The following SOD1 variants were observed in gnomAD, a reference collection of about 807,000 sequenced individuals.
The protein encoded by SOD1 is superoxide dismutase [Cu-Zn].
In SOD1, 8 loss-of-function variants were observed where a neutral mutation model predicts 15.9. The observed-to-expected ratio is 0.50, with a 90% confidence interval of 0.30 to 0.91. SOD1 has a LOEUF of 0.91. SOD1 is among the 40% of genes least tolerant of loss of function. The pLI is 0.07. For missense variants in SOD1, 137 were observed against 194.5 expected, an observed-to-expected ratio of 0.70 and a Z score of 1.76; for synonymous variants, 86 against 71.2, an observed-to-expected ratio of 1.21 and a Z score of -1.04.
At chr21:31,668,425 G>A (rs1347615442) in intron 4 of SOD1, 46 bp from the exon 5 acceptor site, 6 of 1,284,120 alleles carry the variant, frequency 4.7e-6, no homozygotes, top group Non-Finnish European at 6.8e-6. Context: ...GGAGGAGGTA[G>A]TGATTACTTG....
At chr21:31,660,031 C>T in intron 1 of SOD1, 190 bp downstream of exon 1, 1 of 357,194 alleles carries the variant, frequency 2.8e-6, no homozygotes, top group Non-Finnish European at 4.8e-6. Context: ...AGTCACCGGG[C>T]GGGCCCGGGC....
intron 1 of SOD1, among the ~76,000 whole-genome samples, chr21:31,662,402 G>A (rs537992551): frequency 1.3e-5 from 2 of 152,294 alleles, no homozygotes; most frequent in East Asian, 3.9e-4. Context: ...CTTAACTGTT[G>A]GCCGTATTTG....
intron 2 of SOD1, among the ~76,000 whole-genome samples, chr21:31,665,170 T>A (rs1010758937): frequency 3.9e-5 from 6 of 152,006 alleles, no homozygotes; most frequent in Non-Finnish European, 5.9e-5. Flanking sequence ...TTAAAAAAAA[T>A]TTTTTTAAAG....
rs141101938 is a variant in SOD1, at chr21:31,664,163, G to T, written c.169+277G>T. 2.4e-3 allele frequency: 942 copies of T among 387,666 alleles called. 13 individuals are homozygous for T. The highest frequency in any genetic ancestry group is 0.018 in the African/African-American group (863 of 48,044). The allele number at this position is 387,666 out of a possible 1,614,324, so 24.0% of individuals were successfully genotyped here. On this transcript the variant is annotated intron_variant, in intron 2 of 4. Coordinates refer to ENST00000270142, the MANE Select transcript of SOD1 (RefSeq NM_000454.5). ...ATTTTTGTATTTTTTTCTAGAGGTG[G>T]GGTTTCATCATGTTGCCCAGGCTGG... is the stretch of plus-strand genomic sequence containing the variant.
At chr21:31,667,410 T>G (rs771393347) in intron 4 of SOD1, 35 bp downstream of exon 4, 1 of 1,351,926 alleles carries the variant, frequency 7.4e-7, no homozygotes, top group Non-Finnish European at 1.1e-6. Flanking sequence ...ATAAAACTTC[T>G]TCTAACATAC....
intron 1 of SOD1, chr21:31,660,202 C>G (rs962959047): frequency 2.0e-5 from 3 of 153,298 alleles, no homozygotes; most frequent in African/African-American, 7.2e-5. Flanking sequence ...AGCGGCTGTG[C>G]TCGTCCCTTG....
At chr21:31,665,533 G>A (rs1325660831) in intron 2 of SOD1, among the ~76,000 whole-genome samples, 1 of 152,158 alleles carries the variant, frequency 6.6e-6, no homozygotes, top group Non-Finnish European at 1.5e-5. Flanking sequence ...CTTTCTCCCT[G>A]TGTGGGACTC....
chr21:31,664,282 A>G, intron 2 of SOD1: 1 of 272,772 alleles, frequency 3.7e-6, no homozygotes, highest in South Asian at 4.3e-5. Flanking sequence ...AAAACCCTCA[A>G]CTTTTCTTTT....
Position 31,668,452 on chromosome 21 carries a change from T to C in SOD1, c.358-19T>C. 1 of 1,595,402 alleles carries C rather than the reference T, an allele frequency of 6.3e-7. No individual in the cohort carries two copies. Among genetic ancestry groups the C allele is most frequent in the Non-Finnish European group, 8.6e-7 (1 of 1,162,858 alleles). On this transcript the variant is annotated intron_variant, in intron 4 of 4. Coordinates refer to ENST00000270142, the MANE Select transcript of SOD1 (RefSeq NM_000454.5). ...GATTACTTGACAGCCCAAAGTTATCTTCTTAAAATTTTTTACAGGTCCATG... is the reference window on the plus strand; with the variant it reads ...GATTACTTGACAGCCCAAAGTTATCCTCTTAAAATTTTTTACAGGTCCATG...
In SOD1 at chr21:31,664,010, C is replaced by G. The variant is rs907183546; in HGVS notation, c.169+124C>G. 4 of 734,018 alleles carry G rather than the reference C, an allele frequency of 5.4e-6. No individual in the cohort carries two copies. In the Admixed American group the frequency reaches 8.1e-5, roughly 15 times the overall value. 45.5% of individuals were successfully genotyped at this position (734,018 alleles called of 1,614,324 possible). ...TTTTTGAGAAAGGGTCTTGCTCTGT[C>G]GCTCAGGCTGGAGTGCAGTGGCGCT... On this transcript the variant is annotated intron_variant, in intron 2 of 4. Transcript: ENST00000270142.
chr21:31,667,450 G>A (rs2049605696), intron 4 of SOD1, 75 bp downstream of exon 4: 2 of 1,107,110 alleles, frequency 1.8e-6, no homozygotes, highest in Non-Finnish European at 1.4e-6. Flanking sequence ...TTGATTGTTA[G>A]TCGCGGTTTC....
chr21:31,665,557 C>T lies in SOD1; in HGVS notation c.170-892C>T, dbSNP rs17885303. ...TGTGTGGGACTCCTGCGGGTGAGAG[C>T]GTGGCTGAAGACAGCCGTGTTATGA... On this transcript the variant is annotated intron_variant, in intron 2 of 4. Transcript: ENST00000270142. 9.8e-3 allele frequency among the ~76,000 whole-genome samples: 1,496 copies of T among 152,220 alleles called. 16 individuals carry two copies. The highest frequency in any genetic ancestry group is 0.027 in the Middle Eastern group (8 of 294).
intron 1 of SOD1, 83 bp downstream of exon 1, chr21:31,659,924 C>A: frequency 6.9e-7 from 1 of 1,441,276 alleles, no homozygotes; most frequent in South Asian, 1.2e-5. Flanking sequence ...AGCGGGTCGC[C>A]CGCCAGGCCT....
rs199766524 is a variant in SOD1, at chr21:31,659,784, C to T, written c.15C>T (p.Ala5=). 1.9e-5 allele frequency: 30 copies of T among 1,613,918 alleles called. No individual in the cohort carries two copies. The African/African-American group carries it at 3.5e-4, about 19-fold the overall frequency. The part of the protein sequence containing the change: MATK[A]VCVLKGDGPV... ...CCTAGCGAGTTATGGCGACGAAGGC[C>T]GTGTGCGTGCTGAAGGGCGACGGCC... Residue 5 remains alanine, a synonymous_variant, in exon 1 of 5, where the codon GCC becomes GCT. Coordinates refer to ENST00000270142, the MANE Select transcript of SOD1 (RefSeq NM_000454.5).
chr21:31,659,755 G>T lies in SOD1; in HGVS notation c.-15G>T, dbSNP rs768768369. On this transcript the variant is annotated 5_prime_UTR_variant, in exon 1 of 5. Coordinates refer to ENST00000270142, the MANE Select transcript of SOD1 (RefSeq NM_000454.5). ...CAGTCCTCGGAACCAGGACCTCGGC[G>T]TGGCCTAGCGAGTTATGGCGACGAA... is the stretch of plus-strand genomic sequence containing the variant. 3.7e-6 allele frequency: 6 copies of T among 1,613,680 alleles called. No individual in the cohort carries two copies. The highest frequency in any genetic ancestry group is 1.7e-5 in the Admixed American group (1 of 60,014).
In SOD1 at chr21:31,668,516, A is replaced by C; in HGVS notation, c.403A>C (p.Ser135Arg). The change falls in exon 5 of 5, where the codon AGT becomes CGT. Residue 135 changes from serine to arginine, a missense_variant. Coordinates refer to ENST00000270142, the MANE Select transcript of SOD1 (RefSeq NM_000454.5). ...CTTGGGCAAAGGTGGAAATGAAGAA[A>C]GTACAAAGACAGGAAACGCTGGAAG... ...DDLGKGGNEE[S>R]TKTGNAGSRL... The C allele has an allele frequency of 6.2e-7, 1 of 1,614,030 alleles. No homozygotes were observed. The highest frequency in any genetic ancestry group is 1.3e-5 in the African/African-American group (1 of 75,058).
chr21:31,666,614 T>A, intron 3 of SOD1, 96 bp downstream of exon 3: 1 of 964,700 alleles, frequency 1.0e-6, no homozygotes. Flanking sequence ...ATTCCGTGTT[T>A]CCCCCACCTT....
Position 31,659,698 on chromosome 21 carries a change from G to C in SOD1, c.-72G>C, listed in dbSNP as rs2049528685. On this transcript the variant is annotated 5_prime_UTR_variant, in exon 1 of 5. Coordinates refer to ENST00000270142, the MANE Select transcript of SOD1 (RefSeq NM_000454.5). The stretch of plus-strand genomic sequence containing the variant: ...CGGAGACGGGGTGCTGGTTTGCGTC[G>C]TAGTCTCCTGCAGCGTCTGGGGTTT... The C allele has an allele frequency of 1.3e-5, 19 of 1,504,300 alleles. No homozygotes were observed. Among genetic ancestry groups the C allele is most frequent in the East Asian group, 2.3e-5 (1 of 44,350 alleles). 93.2% of individuals were successfully genotyped at this position (1,504,300 alleles called of 1,614,324 possible). A position where few individuals can be genotyped will look rare whatever the true frequency, so the allele number is the denominator to read the frequency against.
intron 1 of SOD1, among the ~76,000 whole-genome samples, chr21:31,661,123 A>G (rs2049545178): frequency 1.3e-5 from 2 of 152,334 alleles, no homozygotes; most frequent in Admixed American, 6.5e-5. Flanking sequence ...TCATGAGGGA[A>G]TATTTACTAT....
Sources: allele counts gnomAD v4.1 joint callset (sites outside exome capture counted in the v4.1 genomes callset), GRCh38; gene constraint gnomAD v4.1.1; transcripts MANE v1.5; gene names NCBI Gene and HGNC (gene_info 2026-07-23, HGNC 2026-07-21).